Variants in RTN4 observed in about 807,000 individuals in gnomAD.
RTN4 encodes reticulon-4.
In RTN4, 32 loss-of-function variants were observed where a neutral mutation model predicts 90.4. The observed-to-expected ratio is 0.35, with a 90% confidence interval of 0.27 to 0.48. The LOEUF (loss-of-function observed/expected upper bound fraction) is 0.48, where lower values mean the gene tolerates loss of function less well. RTN4 is among the 20% of genes least tolerant of loss of function. The pLI is 0.99. For missense variants in RTN4, 1,706 were observed against 1,430.2 expected (o/e 1.19, Z -3.11); for synonymous variants, 629 against 552.5 (o/e 1.14, Z -1.94).
intron 1 of RTN4, among the ~76,000 whole-genome samples, chr2:55,093,565 T>C (rs948146012): frequency 6.6e-6 from 1 of 152,102 alleles, no homozygotes; most frequent in African/African-American, 2.4e-5. Context: ...TGATGCTTCT[T>C]CCGGAGGAAG....
upstream of RTN4, among the ~76,000 whole-genome samples, chr2:55,054,509 A>G (rs1433604727): frequency 6.6e-6 from 1 of 152,206 alleles, no homozygotes; most frequent in African/African-American, 2.4e-5. Flanking sequence ...GCAGAATGCT[A>G]AATTGACACC....
At chr2:55,107,475 C>T (rs1227518629) in intron 1 of RTN4, among the ~76,000 whole-genome samples, 1 of 151,458 alleles carries the variant, frequency 6.6e-6, no homozygotes, top group Non-Finnish European at 1.5e-5. Context: ...CTTTCTTGCC[C>T]TTGCTCATTC....
At chr2:55,051,828 T>A (rs1573483195), upstream of RTN4, among the ~76,000 whole-genome samples, 2 of 152,368 alleles carry the variant, frequency 1.3e-5, no homozygotes, top group South Asian at 4.1e-4. Context: ...TTTGGATATA[T>A]TGGGATAAGT....
At chr2:55,043,783 G>A (rs1353121577) in intron 1 of RTN4, among the ~76,000 whole-genome samples, 1 of 152,124 alleles carries the variant, frequency 6.6e-6, no homozygotes, top group African/African-American at 2.4e-5. Flanking sequence ...CTACTCGGGA[G>A]GCTGAGGCAG....
Position 55,026,692 on chromosome 2 carries a change from T to C in RTN4, c.1407A>G (p.Pro469=), listed in dbSNP as rs1429915158. 1 of 1,613,948 alleles carries C rather than the reference T, an allele frequency of 6.2e-7. No individual in the cohort carries two copies. The highest frequency in any genetic ancestry group is 1.1e-5 in the South Asian group (1 of 91,084). The change falls in exon 3 of 9, where the codon CCA becomes CCG. Residue 469 remains proline, a synonymous_variant. Coordinates refer to ENST00000337526, the MANE Select transcript of RTN4 (RefSeq NM_020532.5). The part of the protein sequence containing the change: ...GAYITCAPFN[P]AATESIATNI... ...TTGTTGCAATGCTCTCAGTTGCTGC[T>C]GGGTTAAAGGGAGCACATGTGATAT...
At chr2:55,070,055 G>T (rs183768269) in intron 2 of RTN4, among the ~76,000 whole-genome samples, 2 of 152,266 alleles carry the variant, frequency 1.3e-5, no homozygotes, top group East Asian at 1.9e-4. Flanking sequence ...AGGGCAAACT[G>T]ATAACATGCC....
chr2:55,078,400 A>C (rs914889893), intron 2 of RTN4, among the ~76,000 whole-genome samples: 16 of 152,160 alleles, frequency 1.1e-4, no homozygotes, highest in Non-Finnish European at 2.2e-4. Flanking sequence ...CAACATGCCC[A>C]GCCTAGTTTT....
chr2:55,049,494 T>G, intron 1 of RTN4: 1 of 568,470 alleles, frequency 1.8e-6, no homozygotes, highest in Non-Finnish European at 3.2e-6. Context: ...TCACACAGGG[T>G]GAAAGTGGGA....
the RTN4 span, among the ~76,000 whole-genome samples, chr2:55,129,648 A>G: frequency 3.6e-3 from 539 of 151,748 alleles, 7 homozygotes; most frequent in African/African-American, 0.013. Context: ...TGCAACCTCC[A>G]CCTCCCGGGC....
chr2:54,987,384 T>G (rs1678648275), intron 4 of RTN4, 107 bp downstream of exon 4: 4 of 880,242 alleles, frequency 4.5e-6, no homozygotes, highest in Non-Finnish European at 7.4e-6. Flanking sequence ...GCAATTATCT[T>G]TAACAAAAAA....
At chr2:55,036,407 GC>G in intron 1 of RTN4, among the ~76,000 whole-genome samples, 1 of 151,816 alleles carries the variant, frequency 6.6e-6, no homozygotes, top group East Asian at 1.9e-4. Flanking sequence ...TTTGAGACCA[GC>G]CTGGCCAACA....
the RTN4 span, among the ~76,000 whole-genome samples, chr2:55,129,109 CA>C: frequency 3.7e-4 from 37 of 99,244 alleles, no homozygotes; most frequent in Non-Finnish European, 4.8e-4. Context: ...GACTCCGTCT[CA>C]AAAAAAAAAA....
At chr2:55,007,865 T>C (rs923019693) in intron 3 of RTN4, among the ~76,000 whole-genome samples, 1 of 152,072 alleles carries the variant, frequency 6.6e-6, no homozygotes, top group Non-Finnish European at 1.5e-5. Flanking sequence ...AGAAAGTTAT[T>C]TACTGTCTCA....
chr2:55,089,803 G>A (rs1178377754), intron 1 of RTN4, among the ~76,000 whole-genome samples: 1 of 152,136 alleles, frequency 6.6e-6, no homozygotes, highest in Non-Finnish European at 1.5e-5. Context: ...CTGGGGAGGA[G>A]GTCTTATTCC....
chr2:54,984,959 T>C (rs915248053), intron 4 of RTN4, among the ~76,000 whole-genome samples: 2 of 152,068 alleles, frequency 1.3e-5, no homozygotes, highest in African/African-American at 4.8e-5. Flanking sequence ...GTTTAAAAAA[T>C]GAATAAAGTT....
the RTN4 span, among the ~76,000 whole-genome samples, chr2:55,121,426 C>T: frequency 2.6e-5 from 4 of 152,250 alleles, no homozygotes; most frequent in Admixed American, 1.3e-4. Context: ...TCTCAAGAGA[C>T]GTCAGCCCAA....
At chr2:55,000,347 A>G (rs1558787061) in intron 3 of RTN4, among the ~76,000 whole-genome samples, 1 of 146,976 alleles carries the variant, frequency 6.8e-6, no homozygotes, top group Non-Finnish European at 1.5e-5. Flanking sequence ...TTAAACAGAT[A>G]CGTGCAAAAT....
At chr2:55,127,615 A>G in the RTN4 span, among the ~76,000 whole-genome samples, 1 of 152,192 alleles carries the variant, frequency 6.6e-6, no homozygotes. Context: ...AATACCCCAC[A>G]CAAGCTGGGG....
chr2:55,117,993 T>A, the RTN4 span, among the ~76,000 whole-genome samples: 13 of 152,238 alleles, frequency 8.5e-5, no homozygotes, highest in Non-Finnish European at 1.3e-4. Flanking sequence ...GTGTGTTATA[T>A]TTCATAATAA....
Sources: gnomAD v4.1 joint callset for allele counts (sites outside exome capture counted in the v4.1 genomes callset) on GRCh38, gnomAD v4.1.1 for gene constraint, MANE v1.5 for transcripts, NCBI Gene and HGNC (gene_info 2026-07-23, HGNC 2026-07-21) for gene names.